Variants in SVIL observed in about 807,000 individuals in gnomAD.
SVIL encodes archvillin.
In SVIL, 101 loss-of-function variants were observed where a neutral mutation model predicts 240.4. The observed-to-expected ratio is 0.42, with a 90% CI of 0.36 to 0.50. The LOEUF (loss-of-function observed/expected upper bound fraction) is 0.50, where lower values mean the gene tolerates loss of function less well. Among genes scored for constraint, SVIL ranks in the 20% least tolerant of loss-of-function variants. The pLI is 0.01. For missense variants in SVIL, 2,512 were observed against 2,818.7 expected (o/e 0.89, Z 2.46); for synonymous variants, 999 against 1,100.0 (o/e 0.91, Z 1.82).
chr10:29,721,214 A>T (rs748029138), intron 1 of SVIL, among the ~76,000 whole-genome samples: 6 of 151,418 alleles, frequency 4.0e-5, no homozygotes, highest in Non-Finnish European at 7.4e-5. Context: ...TAGCCAACAA[A>T]GGAGACAAAT....
intron 6 of SVIL, among the ~76,000 whole-genome samples, chr10:29,538,070 C>T (rs566553090): frequency 1.7e-3 from 266 of 152,326 alleles, no homozygotes; most frequent in African/African-American, 6.3e-3. Flanking sequence ...CAAGAGGGGC[C>T]AGCAGACGCC....
chr10:29,646,217 C>G (rs941905547), intron 3 of SVIL, among the ~76,000 whole-genome samples: 3 of 152,290 alleles, frequency 2.0e-5, no homozygotes, highest in Middle Eastern at 3.4e-3. Context: ...AGACACCCCC[C>G]TGCCCTGCAA....
In SVIL at chr10:29,735,754, C is replaced by G. The variant is rs1382635687; in HGVS notation, c.-403G>C. On this transcript the variant is annotated 5_prime_UTR_variant, in exon 1 of 36. Coordinates refer to the SVIL transcript ENST00000375400. This position sits in a 1 kb window ranked among gnomAD's most constrained non-coding sequence, Gnocchi z 4.1. ...CGCGCGGAGGGACTTTGCTCACCTA[C>G]CCGGCTCTTCCACACCTCCCGGTGG... The G allele has an allele frequency of 1.3e-5, 2 of 151,946 alleles. No individual in the cohort carries two copies. The highest frequency in any genetic ancestry group is 2.9e-5 in the Non-Finnish European group (2 of 67,974). The allele number at this position is 151,946 out of a possible 1,614,324, so 9.4% of individuals were successfully genotyped here.
rs771157091 is a variant in SVIL, at chr10:29,551,164, G to A, written c.260C>T (p.Pro87Leu). The change falls in exon 6 of 38, where the codon CCC becomes CTC. Residue 87 changes from proline to leucine, a missense_variant. Pro to Leu is a moderately conservative substitution (Grantham distance 98, BLOSUM62 -3). This residue lies in a region of SVIL where 1,443 missense variants were observed against 1,486.6 expected (regional missense o/e 0.97). Transcript: ENST00000355867. Reference protein sequence around the residue: ...TETSGVHGDSPYGSGTMDTHS... With the variant: ...TETSGVHGDSLYGSGTMDTHS... ...GGTGTCCATGGTACCCGAACCATAG[G>A]GTGAGTCACCGTGGACACCGGAGGT... 25 of 1,614,010 alleles carry A rather than the reference G, an allele frequency of 1.5e-5. No individual in the cohort carries two copies. In the African/African-American group the frequency reaches 3.1e-4, roughly 20 times the overall value.
chr10:29,627,696 A>G (rs1247187728), intron 1 of SVIL, among the ~76,000 whole-genome samples: 1 of 152,230 alleles, frequency 6.6e-6, no homozygotes, highest in Non-Finnish European at 1.5e-5. Context: ...TCTGGAGTGA[A>G]GACCTGATAC....
At chr10:29,668,869 C>CT (rs1398598187) in intron 2 of SVIL, among the ~76,000 whole-genome samples, 1 of 152,182 alleles carries the variant, frequency 6.6e-6, no homozygotes, top group African/African-American at 2.4e-5. Flanking sequence ...CATAACTGCA[C>CT]TATGATTCAG....
At chr10:29,561,633 C>G (rs1012856210) in intron 3 of SVIL, among the ~76,000 whole-genome samples, 19 of 151,148 alleles carry the variant, frequency 1.3e-4, no homozygotes, top group Non-Finnish European at 1.9e-4. Context: ...ATTGGCAGAG[C>G]CATTCCATCT....
intron 16 of SVIL, among the ~76,000 whole-genome samples, chr10:29,514,134 C>G (rs1348505407): frequency 6.6e-6 from 1 of 151,820 alleles, no homozygotes; most frequent in African/African-American, 2.4e-5. Flanking sequence ...AATGCATAAT[C>G]CACAAATGGT....
At chr10:29,593,231 A>G (rs895991016) in intron 1 of SVIL, among the ~76,000 whole-genome samples, 2 of 152,244 alleles carry the variant, frequency 1.3e-5, no homozygotes, top group Admixed American at 6.5e-5. Context: ...ATTTTACACT[A>G]TTATAAAAGT....
intron 13 of SVIL, 66 bp from the exon 14 acceptor site, chr10:29,524,781 G>A (rs966279026): frequency 1.3e-5 from 21 of 1,589,606 alleles, no homozygotes; most frequent in South Asian, 1.3e-4. Context: ...AAGTTTCTAC[G>A]TTAACTTTCT....
chr10:29,708,615 A>C (rs574523353), intron 1 of SVIL, among the ~76,000 whole-genome samples: 19 of 152,288 alleles, frequency 1.2e-4, no homozygotes, highest in Admixed American at 5.2e-4. Flanking sequence ...CGTCTCAAAA[A>C]ATTTAAGAAA....
At chr10:29,702,175 CAAA>C (rs60338711) in intron 1 of SVIL, among the ~76,000 whole-genome samples, 6 of 61,660 alleles carry the variant, frequency 9.7e-5, no homozygotes, top group East Asian at 4.8e-4. Flanking sequence ...ACTCCATCTC[CAAA>C]AAAAAAAAAA....
chr10:29,583,421 T>G lies in SVIL; in HGVS notation c.-200-14109A>C, dbSNP rs568637754. 2.6e-5 allele frequency among the ~76,000 whole-genome samples: 4 copies of G among 152,214 alleles called. No individual in the cohort carries two copies. In the South Asian group the frequency reaches 8.3e-4, roughly 32 times the overall value. On this transcript the variant is annotated intron_variant, in intron 1 of 37. Coordinates refer to ENST00000355867, the MANE Select transcript of SVIL (RefSeq NM_021738.3). ...CAAGCCAATTCCTCCCACCTCTGCC[T>G]CCTGAGTAGCTGGGACTACAGGGGC...
intron 30 of SVIL, among the ~76,000 whole-genome samples, chr10:29,473,118 C>G (rs535663720): frequency 2.4e-4 from 37 of 151,858 alleles, no homozygotes; most frequent in Non-Finnish European, 4.6e-4. Flanking sequence ...CTGGAGTGGC[C>G]TGGGTGGAGG....
At chr10:29,694,695 A>G (rs536271323) in intron 1 of SVIL, among the ~76,000 whole-genome samples, 4 of 152,300 alleles carry the variant, frequency 2.6e-5, no homozygotes, top group South Asian at 2.1e-4. Flanking sequence ...CCTAACCTCA[A>G]GTAATCCTTC....
chr10:29,489,551 T>G lies in SVIL; in HGVS notation c.4193-795A>C, dbSNP rs541971504. On this transcript the variant is annotated intron_variant, in intron 22 of 37. Coordinates refer to ENST00000355867, the MANE Select transcript of SVIL (RefSeq NM_021738.3). Reference sequence around the variant, plus strand: ...TGTTGTGCTTTTTAAATACACTTTTTTTGTTGTTGTTGTTGAGAAAGGGTG... The same window carrying G: ...TGTTGTGCTTTTTAAATACACTTTTGTTGTTGTTGTTGTTGAGAAAGGGTG... 6.6e-5 allele frequency among the ~76,000 whole-genome samples: 10 copies of G among 152,282 alleles called. No homozygotes were observed. In the East Asian group the frequency reaches 9.6e-4, roughly 15 times the overall value.
At chr10:29,511,969 C>G (rs1030661632) in intron 17 of SVIL, among the ~76,000 whole-genome samples, 4 of 152,190 alleles carry the variant, frequency 2.6e-5, no homozygotes, top group Non-Finnish European at 5.9e-5. Flanking sequence ...TTCTTTTCTA[C>G]TTGAAGACTT....
upstream of SVIL, among the ~76,000 whole-genome samples, chr10:29,638,944 G>T (rs371055337): frequency 6.6e-6 from 1 of 152,226 alleles, no homozygotes; most frequent in African/African-American, 2.4e-5. Flanking sequence ...GGAGGAGATC[G>T]GGTCATCTCA....
rs747161194 is a variant in SVIL at position 29,532,976 on chromosome 10, A to C, written c.1391T>G (p.Leu464Arg). The change falls in exon 8 of 38, where the codon CTA (leucine) becomes CGA (arginine). Residue 464 changes from leucine to arginine, a missense_variant. Physicochemically the swap from Leu to Arg is moderately radical, Grantham distance 102. Coordinates refer to ENST00000355867, the MANE Select transcript of SVIL (RefSeq NM_021738.3). ...AGAGGGATCTTCTGGGCTTCTCACT[A>C]GCCCATCACCCTCCAAAGCCAGTAG... is the stretch of plus-strand genomic sequence containing the variant. ...KTLLALEGDG[L>R]VRSPEDPSRN... 4 of 1,613,972 alleles carry C rather than the reference A, an allele frequency of 2.5e-6. No homozygotes were observed. The highest frequency in any genetic ancestry group is 3.4e-6 in the Non-Finnish European group (4 of 1,180,040).
Sources: gnomAD v4.1 joint callset for allele counts (sites outside exome capture counted in the v4.1 genomes callset) on GRCh38, gnomAD v4.1.1 for gene constraint, gnomAD v4.1.1 regional missense constraint, Gnocchi (gnomAD v3.1) non-coding constraint, MANE v1.5 for transcripts, NCBI Gene and HGNC (gene_info 2026-07-23, HGNC 2026-07-21) for gene names.